MEGF11: variants seen among roughly 807,000 people sequenced by gnomAD.
MEGF11 encodes the protein multiple epidermal growth factor-like domains protein 11.
Under a neutral mutation model 146.6 loss-of-function variants are expected in MEGF11, and 126 were observed. The observed-to-expected ratio is 0.86, with a 90% CI of 0.74 to 1.00. The LOEUF (loss-of-function observed/expected upper bound fraction) is 1.00. Ranked by LOEUF, MEGF11 falls within the 50% of genes least tolerant of loss-of-function variation. The pLI is 0.00. For synonymous variants in MEGF11, 532 were observed against 583.4 expected (o/e 0.91, Z 1.27); for missense variants, 1,509 against 1,521.2 (o/e 0.99, Z 0.13).
intron 1 of MEGF11, among the ~76,000 whole-genome samples, chr15:66,186,011 A>C (rs751964636): frequency 3.3e-5 from 5 of 152,128 alleles, no homozygotes; most frequent in Non-Finnish European, 7.4e-5. Flanking sequence ...GGACCACTTC[A>C]GCAGCTACTG....
At chr15:66,202,003 C>T (rs576506185) in intron 1 of MEGF11, among the ~76,000 whole-genome samples, 12 of 148,932 alleles carry the variant, frequency 8.1e-5, no homozygotes, top group Non-Finnish European at 1.2e-4. Context: ...CTCTTGATCC[C>T]GGTGGGGTGG....
chr15:66,204,604 G>A lies in MEGF11; in HGVS notation c.-9+49001C>T, dbSNP rs191092447. On this transcript the variant is annotated intron_variant, in intron 1 of 25. Transcript: ENST00000395614. ...ACTCTCTCTGAGCCTCAGGTTATTC[G>A]TACCTGTAAAGAGGGAATAATGAAA... Among the ~76,000 whole-genome samples, 520 of 152,168 alleles carry A rather than the reference G, an allele frequency of 3.4e-3. 6 individuals carry two copies. Among genetic ancestry groups the A allele is most frequent in the African/African-American group, 0.012 (497 of 41,514 alleles).
At chr15:66,024,084 G>A (rs2083250069) in intron 5 of MEGF11, among the ~76,000 whole-genome samples, 1 of 152,224 alleles carries the variant, frequency 6.6e-6, no homozygotes, top group Non-Finnish European at 1.5e-5. Context: ...GGTGGGGCTG[G>A]TTCGTTCCTG....
intron 5 of MEGF11, among the ~76,000 whole-genome samples, chr15:66,003,474 G>A (rs74845618): frequency 2.6e-5 from 4 of 151,596 alleles, no homozygotes; most frequent in Non-Finnish European, 2.9e-5. Flanking sequence ...GGGTGGGGAG[G>A]AGATGGCCTA....
At position 65,965,090 on chromosome 15, in the gene MEGF11, G is replaced by T; in HGVS notation, c.930C>A (p.Phe310Leu). The T allele has an allele frequency of 6.3e-7, 1 of 1,595,146 alleles. No homozygotes were observed. The highest frequency in any genetic ancestry group is 8.6e-7 in the Non-Finnish European group (1 of 1,169,248). The stretch of plus-strand genomic sequence containing the variant: ...CACAGTGCTGTGAGCACTGGAAGCC[G>T]AAGGACCCGAAGGGGCACTCCTCTT... ...RCQEECPFGSFGFQCSQHCDC... is the reference protein window; with the variant it reads ...RCQEECPFGSLGFQCSQHCDC... Residue 310 changes from phenylalanine (F) to leucine (L), a missense_variant, in exon 9 of 26, where the codon TTC (phenylalanine) becomes TTA (leucine). Transcript: ENST00000395614.
intron 1 of MEGF11, among the ~76,000 whole-genome samples, chr15:66,161,295 C>G (rs1196751551): frequency 6.6e-6 from 1 of 152,210 alleles, no homozygotes; most frequent in Non-Finnish European, 1.5e-5. Flanking sequence ...ACAGCAAAGA[C>G]AGGCAGCCAC....
intron 5 of MEGF11, among the ~76,000 whole-genome samples, chr15:66,050,359 T>C (rs909425044): frequency 6.6e-6 from 1 of 151,912 alleles, no homozygotes; most frequent in Non-Finnish European, 1.5e-5. Flanking sequence ...AGACCTACAC[T>C]TTTAACACAG....
chr15:66,139,513 G>A (rs552637978), intron 1 of MEGF11, among the ~76,000 whole-genome samples: 2 of 151,868 alleles, frequency 1.3e-5, no homozygotes, highest in East Asian at 1.9e-4. Flanking sequence ...GAACAAACAT[G>A]CTATAAATTA....
intron 5 of MEGF11, among the ~76,000 whole-genome samples, chr15:65,997,707 A>G (rs1426401827): frequency 6.6e-6 from 1 of 152,220 alleles, no homozygotes; most frequent in African/African-American, 2.4e-5. Flanking sequence ...CGCCTCGAAC[A>G]GTGTCTGGCA....
intron 5 of MEGF11, among the ~76,000 whole-genome samples, chr15:66,092,774 G>T (rs1018192548): frequency 2.6e-5 from 4 of 152,146 alleles, no homozygotes; most frequent in African/African-American, 4.8e-5. Context: ...TATACTCAGG[G>T]CCCCGGGGGA....
intron 4 of MEGF11, among the ~76,000 whole-genome samples, chr15:66,112,033 G>C (rs1397394389): frequency 6.7e-6 from 1 of 149,044 alleles, no homozygotes; most frequent in African/African-American, 2.5e-5. Flanking sequence ...TAGGGCCGCT[G>C]AACAATTTGG....
intron 1 of MEGF11, among the ~76,000 whole-genome samples, chr15:66,203,955 T>A (rs973138012): frequency 1.3e-5 from 2 of 152,140 alleles, no homozygotes; most frequent in Admixed American, 6.6e-5. Context: ...TTAAAATGTT[T>A]CTGTGGGCCA....
chr15:66,074,721 A>T (rs2085505463), intron 5 of MEGF11, among the ~76,000 whole-genome samples: 1 of 152,244 alleles, frequency 6.6e-6, no homozygotes, highest in African/African-American at 2.4e-5. Context: ...AGCTTTATTT[A>T]AAGTTACCAA....
intron 5 of MEGF11, among the ~76,000 whole-genome samples, chr15:66,030,796 C>T (rs1349645877): frequency 6.6e-6 from 1 of 152,198 alleles, no homozygotes; most frequent in African/African-American, 2.4e-5. Flanking sequence ...ACCACAGAGG[C>T]CACGTCCCCC....
intron 1 of MEGF11, among the ~76,000 whole-genome samples, chr15:66,163,855 C>T (rs1015277488): frequency 2.6e-5 from 4 of 152,302 alleles, no homozygotes; most frequent in Middle Eastern, 3.4e-3. Flanking sequence ...CGCATGCACA[C>T]GAGGCACAGA....
chr15:66,091,420 A>G (rs575279149), intron 5 of MEGF11, among the ~76,000 whole-genome samples: 1 of 152,288 alleles, frequency 6.6e-6, no homozygotes, highest in South Asian at 2.1e-4. Context: ...ATCAATTTCA[A>G]CCTTGGACTA....
intron 1 of MEGF11, among the ~76,000 whole-genome samples, chr15:66,220,101 G>A (rs139485031): frequency 1.3e-5 from 2 of 152,248 alleles, no homozygotes; most frequent in East Asian, 3.9e-4. Context: ...CAGAGGTAGA[G>A]ACTGGAGCAG....
At chr15:66,018,373 C>T (rs2082969423) in intron 5 of MEGF11, among the ~76,000 whole-genome samples, 1 of 152,250 alleles carries the variant, frequency 6.6e-6, no homozygotes, top group Admixed American at 6.5e-5. Context: ...GGGCTCCTTC[C>T]TCTAGGCTCT....
chr15:65,966,037 ACT>A (rs1327416843), intron 8 of MEGF11, among the ~76,000 whole-genome samples: 1 of 151,880 alleles, frequency 6.6e-6, no homozygotes, highest in African/African-American at 2.4e-5. Flanking sequence ...ATGGAGTCTC[ACT>A]CTGTTGCCCA....
Sources: allele counts gnomAD v4.1 joint callset (sites outside exome capture counted in the v4.1 genomes callset), GRCh38; gene constraint gnomAD v4.1.1; transcripts MANE v1.5; gene names NCBI Gene and HGNC (gene_info 2026-07-23, HGNC 2026-07-21).